Variants in PDE4D observed in about 807,000 individuals in gnomAD.
The protein encoded by PDE4D is phosphodiesterase 4D.
Under a neutral mutation model 87.4 loss-of-function variants are expected in PDE4D, and 24 were observed. The observed-to-expected ratio is 0.27, with a 90% CI of 0.20 to 0.39. PDE4D has a LOEUF of 0.39. Among genes scored for constraint, PDE4D ranks in the 10% least tolerant of loss-of-function variants. The pLI, the probability that PDE4D is intolerant of heterozygous loss-of-function variation, is 1.00. For synonymous variants in PDE4D, 384 were observed against 383.2 expected (o/e 1.00, Z -0.02); for missense variants, 714 against 1,041.0 (o/e 0.69, Z 4.32).
chr5:60,451,070 C>A (rs1746059818), intron 1 of PDE4D, among the ~76,000 whole-genome samples: 1 of 152,046 alleles, frequency 6.6e-6, no homozygotes. Flanking sequence ...TTAATGTATT[C>A]TTGGAGCAGA....
chr5:60,431,199 G>T, intron 1 of PDE4D: 1 of 193,076 alleles, frequency 5.2e-6, no homozygotes, highest in South Asian at 7.7e-5. Flanking sequence ...TCCCAGACAG[G>T]GTGGCTGCTG....
intron 1 of PDE4D, among the ~76,000 whole-genome samples, chr5:59,786,976 A>C (rs1208430371): frequency 6.6e-6 from 1 of 152,176 alleles, no homozygotes; most frequent in Non-Finnish European, 1.5e-5. Context: ...TTTTTCAAAA[A>C]CATTGGACAT....
intron 1 of PDE4D, among the ~76,000 whole-genome samples, chr5:59,834,956 C>G (rs1741782594): frequency 6.6e-6 from 1 of 151,966 alleles, no homozygotes; most frequent in African/African-American, 2.4e-5. Flanking sequence ...TTTCTCCCTC[C>G]CCATTAAAAC....
chr5:58,993,400 C>G lies in PDE4D; in HGVS notation c.987G>C (p.Val329=). 1 of 1,598,884 alleles carries G rather than the reference C, an allele frequency of 6.3e-7. No individual in the cohort carries two copies. Among genetic ancestry groups the G allele is most frequent in the Non-Finnish European group, 8.5e-7 (1 of 1,172,778 alleles). ...AGAATGTGTTTGATATAAACTCTGA[C>G]ACTTGATTTCCAGACCGACTCATTT... ...LSEMSRSGNQ[V]SEFISNTFLD... The change falls in exon 7 of 15, where the codon GTG becomes GTC. Residue 329 remains valine (V), a synonymous_variant. Transcript: ENST00000340635.
At chr5:59,373,988 G>T (rs576668253) in intron 1 of PDE4D, among the ~76,000 whole-genome samples, 2 of 152,246 alleles carry the variant, frequency 1.3e-5, no homozygotes, top group East Asian at 3.9e-4. Context: ...GAGGGAATTT[G>T]TTACCACCAG....
chr5:59,423,510 G>T (rs1794766600), intron 1 of PDE4D, among the ~76,000 whole-genome samples: 1 of 152,026 alleles, frequency 6.6e-6, no homozygotes, highest in Admixed American at 6.6e-5. Flanking sequence ...GAGGAGGAAA[G>T]ATAGAAAATA....
chr5:60,461,491 A>G (rs1443561532), intron 1 of PDE4D, among the ~76,000 whole-genome samples: 1 of 152,244 alleles, frequency 6.6e-6, no homozygotes, highest in Non-Finnish European at 1.5e-5. Flanking sequence ...GAAAAGAAAG[A>G]GAAAGTGTTC....
chr5:59,275,625 C>T, intron 1 of PDE4D: 1 of 1,280,358 alleles, frequency 7.8e-7, no homozygotes, highest in Non-Finnish European at 9.9e-7. Context: ...TACTCCAGTA[C>T]TAGGCTGTTA....
chr5:60,248,335 G>A (rs576937440), intron 1 of PDE4D, among the ~76,000 whole-genome samples: 3 of 152,140 alleles, frequency 2.0e-5, no homozygotes, highest in Admixed American at 6.6e-5. Flanking sequence ...GGGAGCGAGT[G>A]ACAGTAAGAG....
At chr5:59,734,328 C>A (rs561954731) in intron 1 of PDE4D, among the ~76,000 whole-genome samples, 3 of 152,108 alleles carry the variant, frequency 2.0e-5, no homozygotes, top group African/African-American at 7.2e-5. Flanking sequence ...GTTGAACTTT[C>A]CAAATATATA....
intron 1 of PDE4D, among the ~76,000 whole-genome samples, chr5:59,834,680 ATTGTTCCC>A (rs1741736942): frequency 6.6e-6 from 1 of 152,032 alleles, no homozygotes; most frequent in African/African-American, 2.4e-5. Flanking sequence ...TTGACTGAGC[ATTGTTCCC>A]CAGTAAGGCT....
chr5:60,117,014 A>C (rs1373145034), intron 2 of PDE4D, among the ~76,000 whole-genome samples: 3 of 148,052 alleles, frequency 2.0e-5, no homozygotes, highest in Non-Finnish European at 3.0e-5. Context: ...AAGAAGAAAA[A>C]TAATTTGACA....
intron 1 of PDE4D, among the ~76,000 whole-genome samples, chr5:59,739,539 A>G (rs1363106682): frequency 6.6e-6 from 1 of 152,212 alleles, no homozygotes; most frequent in Non-Finnish European, 1.5e-5. Context: ...TTGCAGCCTC[A>G]ATGTTAATCA....
Position 58,980,697 on chromosome 5 carries a change from T to G in PDE4D, c.1553-3352A>C, listed in dbSNP as rs11952286. On this transcript the variant is annotated intron_variant, in intron 11 of 14. Coordinates refer to ENST00000340635, the MANE Select transcript of PDE4D (RefSeq NM_001104631.2). ...AGTGCTAATGAAATGGGGGGAAGGG[T>G]GGGCAGGTACTACCACATAACTGAG... is the stretch of plus-strand genomic sequence containing the variant. Among the ~76,000 whole-genome samples the G allele has an allele frequency of 6.7e-5, 9 of 133,524 alleles. No individual in the cohort carries two copies. In the South Asian group the frequency reaches 9.3e-4, roughly 14 times the overall value. 87.6% of individuals were successfully genotyped at this position (133,524 alleles called of 152,430 possible). A position where few individuals can be genotyped will look rare whatever the true frequency, so the allele number is the denominator to read the frequency against.
chr5:59,005,635 T>C (rs1336239007), intron 6 of PDE4D, among the ~76,000 whole-genome samples: 1 of 152,206 alleles, frequency 6.6e-6, no homozygotes, highest in Admixed American at 6.5e-5. Flanking sequence ...ATGAAGAAAC[T>C]TTAATAAGTT....
intron 1 of PDE4D, among the ~76,000 whole-genome samples, chr5:59,253,854 T>C (rs1760456466): frequency 6.6e-6 from 1 of 152,074 alleles, no homozygotes; most frequent in Non-Finnish European, 1.5e-5. Context: ...AGTGATGTCA[T>C]AGGAGTGTTG....
At chr5:60,056,956 T>C (rs1433074668) in intron 2 of PDE4D, among the ~76,000 whole-genome samples, 2 of 152,080 alleles carry the variant, frequency 1.3e-5, no homozygotes, top group Non-Finnish European at 2.9e-5. Context: ...ATGACACATT[T>C]AATATCTTAC....
chr5:59,168,023 T>A (rs1394966085), intron 5 of PDE4D, among the ~76,000 whole-genome samples: 1 of 151,614 alleles, frequency 6.6e-6, no homozygotes, highest in Non-Finnish European at 1.5e-5. Context: ...TAGAATACAG[T>A]CAATTAGAAA....
At chr5:59,419,317 A>G (rs244567) in intron 1 of PDE4D, among the ~76,000 whole-genome samples, 102,986 of 151,996 alleles carry the variant, frequency 0.68, 35,713 homozygotes, top group African/African-American at 0.81. Context: ...TTTGAAGGCT[A>G]AGAATTTTTC....
Sources: allele counts gnomAD v4.1 joint callset (sites outside exome capture counted in the v4.1 genomes callset), GRCh38; gene constraint gnomAD v4.1.1; transcripts MANE v1.5; gene names NCBI Gene and HGNC (gene_info 2026-07-23, HGNC 2026-07-21).